Variants in EIF2D observed in about 807,000 individuals in gnomAD.
EIF2D encodes the protein hepatocellular carcinoma-associated antigen 56.
A neutral mutation model predicts 77.4 loss-of-function variants in EIF2D; 56 were observed. The ratio of observed to expected loss-of-function variants is 0.72; its 90% confidence interval spans 0.58 to 0.90. The LOEUF (loss-of-function observed/expected upper bound fraction) is 0.90, where lower values mean the gene tolerates loss of function less well. Among genes scored for constraint, EIF2D ranks in the 40% least tolerant of loss-of-function variants. EIF2D has a pLI of 0.00. For synonymous variants in EIF2D, 230 were observed against 271.0 expected, an observed-to-expected ratio of 0.85 and a Z score of 1.49; for missense variants, 574 against 706.5, an observed-to-expected ratio of 0.81 and a Z score of 2.13.
At chr1:206,595,923 T>C in intron 12 of EIF2D, 85 bp from the exon 13 acceptor site, 10 of 1,556,416 alleles carry the variant, frequency 6.4e-6, no homozygotes, top group East Asian at 2.3e-5. Flanking sequence ...CAGTTAGGTG[T>C]AGGCTGAAAT....
At chr1:206,606,174 G>C (rs1670194275) in intron 4 of EIF2D, among the ~76,000 whole-genome samples, 1 of 152,220 alleles carries the variant, frequency 6.6e-6, no homozygotes, top group African/African-American at 2.4e-5. Flanking sequence ...TTGCCTGTAA[G>C]GATAGGTGAC....
chr1:206,576,501 A>G (rs766658587), intron 4 of EIF2D, among the ~76,000 whole-genome samples: 18 of 152,220 alleles, frequency 1.2e-4, no homozygotes, highest in Non-Finnish European at 2.5e-4. Flanking sequence ...AATGAGAGTG[A>G]AGTTACAAAG....
intron 2 of EIF2D, 110 bp downstream of exon 2, chr1:206,611,074 G>T: frequency 9.7e-7 from 1 of 1,034,018 alleles, no homozygotes. Context: ...ATGGTATTGG[G>T]AGATTTCGTG....
At chr1:206,607,478 G>T (rs1670254372) in intron 4 of EIF2D, among the ~76,000 whole-genome samples, 1 of 152,196 alleles carries the variant, frequency 6.6e-6, no homozygotes, top group African/African-American at 2.4e-5. Context: ...AGCATTGGAG[G>T]CTAGACGTAG....
At chr1:206,589,053 C>A (rs2102268010), downstream of EIF2D, 1 of 152,856 alleles carries the variant, frequency 6.5e-6, no homozygotes, top group East Asian at 1.9e-4. Context: ...TCAGACTTTA[C>A]TAAAGCACAG....
At chr1:206,586,065 C>T (rs530752502) in intron 2 of EIF2D, 1 of 152,380 alleles carries the variant, frequency 6.6e-6, no homozygotes, top group South Asian at 2.1e-4. Context: ...GAGACCTGGG[C>T]TCTAGTTCCA....
chr1:206,584,500 G>C lies in EIF2D; in HGVS notation c.139-3338C>G. ...CCATCTATGATGCCATCAAGGAGGTGAACCTGGCGGCTACCACGGACAAGC... is the reference window on the plus strand; with the variant it reads ...CCATCTATGATGCCATCAAGGAGGTCAACCTGGCGGCTACCACGGACAAGC... On this transcript the variant is annotated intron_variant and NMD_transcript_variant, in intron 2 of 5. Coordinates refer to the EIF2D transcript ENST00000472709. This position sits in a 1 kb window ranked among gnomAD's most constrained non-coding sequence, Gnocchi z 4.9. The C allele has an allele frequency of 6.2e-7, 1 of 1,614,160 alleles. No homozygotes were observed. Among genetic ancestry groups the C allele is most frequent in the Non-Finnish European group, 8.5e-7 (1 of 1,180,006 alleles).
At position 206,597,414 on chromosome 1, in the gene EIF2D, T is replaced by C. The variant is rs574490109; in HGVS notation, c.1293-219A>G. On this transcript the variant is annotated intron_variant, in intron 11 of 14. Coordinates refer to ENST00000271764, the MANE Select transcript of EIF2D (RefSeq NM_006893.3). ...GGAAGGGAAAGTGAGATGGGATAAATTTGAAGATCAGGAGCCTTTGCTACT... is the reference window on the plus strand; with the variant it reads ...GGAAGGGAAAGTGAGATGGGATAAACTTGAAGATCAGGAGCCTTTGCTACT... Among the ~76,000 whole-genome samples the C allele has an allele frequency of 5.9e-5, 9 of 152,304 alleles. No homozygotes were observed. In the South Asian group the frequency reaches 1.9e-3, roughly 32 times the overall value.
In EIF2D at chr1:206,586,636, G is replaced by A. The variant is rs1669125434; in HGVS notation, c.139-5474C>T. ...CTTGGTCATGAGATGCCAGCATTTG[G>A]AATTTTGTTGCTGCTATGACAGGCA... On this transcript the variant is annotated intron_variant and NMD_transcript_variant, in intron 2 of 5. Coordinates refer to the EIF2D transcript ENST00000472709. The A allele has an allele frequency of 4.1e-5, 24 of 583,460 alleles. No homozygotes were observed. The South Asian group carries it at 5.1e-4, about 12-fold the overall frequency. 36.1% of individuals were successfully genotyped at this position (583,460 alleles called of 1,614,324 possible).
At chr1:206,585,601 C>T (rs1553407483) in intron 2 of EIF2D, 1 of 238,052 alleles carries the variant, frequency 4.2e-6, no homozygotes, top group African/African-American at 2.2e-5. Context: ...TGCTCAGGCA[C>T]AGGCTGTTTT....
Position 206,603,182 on chromosome 1 carries a change from G to C in EIF2D, c.553C>G (p.Pro185Ala), listed in dbSNP as rs1456622794. ...HLWRSGNKSS[P>A]PSIAPLALDS... ...AGGGCCAGTGGAGCAATGGAAGGTG[G>C]AGAGGACTTGTTTCCAGACCGCCTG... is the stretch of plus-strand genomic sequence containing the variant. Residue 185 changes from proline to alanine, a missense_variant, in exon 6 of 15, where the codon CCA (proline) becomes GCA (alanine). By Grantham distance (27) the Pro-to-Ala change is conservative. Coordinates refer to ENST00000271764, the MANE Select transcript of EIF2D (RefSeq NM_006893.3). 6.2e-7 allele frequency: 1 copy of C among 1,613,798 alleles called. No individual in the cohort carries two copies. The highest frequency in any genetic ancestry group is 8.5e-7 in the Non-Finnish European group (1 of 1,179,846).
At position 206,600,261 on chromosome 1, in the gene EIF2D, A is replaced by T. The variant is rs1553411032; in HGVS notation, c.948+2T>A. ...GGGTCTGCAAAGAAGATCCTTGCTT[A>T]CCTTTTTGTAGCTTGACTTCTTTAT... On this transcript the variant is annotated splice_donor_variant, in intron 8 of 14. Coordinates refer to ENST00000271764, the MANE Select transcript of EIF2D (RefSeq NM_006893.3). LOFTEE classifies it high-confidence loss of function. 4 of 1,613,944 alleles carry T rather than the reference A, an allele frequency of 2.5e-6. No individual in the cohort carries two copies. The highest frequency in any genetic ancestry group is 3.4e-6 in the Non-Finnish European group (4 of 1,179,864).
chr1:206,589,459 G>A (rs1002353808), downstream of EIF2D: 2 of 152,232 alleles, frequency 1.3e-5, no homozygotes, highest in African/African-American at 4.8e-5. Context: ...TGCGTAGGCG[G>A]GAGGGCGCTG....
At chr1:206,593,434 C>T (rs1295612053) in intron 14 of EIF2D, among the ~76,000 whole-genome samples, 185 bp downstream of exon 14, 11 of 149,430 alleles carry the variant, frequency 7.4e-5, no homozygotes, top group African/African-American at 2.7e-4. Flanking sequence ...ACACTGGTTC[C>T]CTCTTCTCTA....
intron 4 of EIF2D, 23 bp downstream of exon 4, chr1:206,608,213 G>C: frequency 6.2e-7 from 1 of 1,601,464 alleles, no homozygotes; most frequent in East Asian, 2.3e-5. Context: ...TTCCCCCAAA[G>C]GCACAGTTGC....
intron 4 of EIF2D, among the ~76,000 whole-genome samples, chr1:206,575,919 G>T (rs1231857993): frequency 6.6e-6 from 1 of 152,240 alleles, no homozygotes; most frequent in African/African-American, 2.4e-5. Context: ...GTGCAGCTGA[G>T]TGTGAGGTGC....
At chr1:206,573,180 T>C (rs1027050988) in intron 4 of EIF2D, among the ~76,000 whole-genome samples, 1 of 152,154 alleles carries the variant, frequency 6.6e-6, no homozygotes, top group Non-Finnish European at 1.5e-5. Flanking sequence ...AAGAAATCAG[T>C]CTCCGTGTGG....
rs183864750 is a variant in EIF2D, at chr1:206,579,401, C to T, written c.*254+1291G>A. On this transcript the variant is annotated intron_variant and NMD_transcript_variant, in intron 4 of 5. Transcript: ENST00000472709. This position sits in a 1 kb window ranked among gnomAD's most constrained non-coding sequence, Gnocchi z 4.2. ...TCTGCTTGGTTTCTCGCTTTGTACC[C>T]GTGGACAGATCCTTAAGAATCTGGC... Among the ~76,000 whole-genome samples, 24 of 152,304 alleles carry T rather than the reference C, an allele frequency of 1.6e-4. No individual in the cohort carries two copies. The highest frequency in any genetic ancestry group is 5.1e-4 in the African/African-American group (21 of 41,554).
chr1:206,578,816 A>T (rs1668758162), intron 4 of EIF2D, among the ~76,000 whole-genome samples: 1 of 152,086 alleles, frequency 6.6e-6, no homozygotes, highest in African/African-American at 2.4e-5. Context: ...GCCTCTCCTT[A>T]GGGCATTAGG....
Sources: allele counts gnomAD v4.1 joint callset (sites outside exome capture counted in the v4.1 genomes callset), GRCh38; gene constraint gnomAD v4.1.1; non-coding constraint Gnocchi (gnomAD v3.1); transcripts MANE v1.5; gene names NCBI Gene and HGNC (gene_info 2026-07-23, HGNC 2026-07-21).